Variants in NTM observed in about 807,000 individuals in gnomAD.
NTM encodes the protein neurotrimin.
NTM carries 13 observed loss-of-function variants against 42.1 expected under a neutral mutation model. The observed-to-expected ratio is 0.31, with a 90% confidence interval of 0.20 to 0.49. NTM has a LOEUF of 0.49. Ranked by LOEUF, NTM falls within the 20% of genes least tolerant of loss-of-function variation. The pLI is 0.99. For synonymous variants in NTM, 187 were observed against 179.2 expected, an observed-to-expected ratio of 1.04 and a Z score of -0.35; for missense variants, 373 against 452.8, an observed-to-expected ratio of 0.82 and a Z score of 1.60.
Position 131,692,247 on chromosome 11 carries a change from C to T in NTM, c.83-219317C>T, listed in dbSNP as rs115646581. On this transcript the variant is annotated intron_variant, in intron 1 of 8. Coordinates refer to ENST00000683400, the MANE Select transcript of NTM (RefSeq NM_001352005.2). ...CATGCAGACCTCTGGGTGATGCTGG[C>T]ACAGGGCTAGTCCATCTCCCATGCA... Among the ~76,000 whole-genome samples the T allele has an allele frequency of 3.7e-3, 565 of 152,358 alleles. 4 individuals carry two copies. Among genetic ancestry groups the T allele is most frequent in the African/African-American group, 0.013 (545 of 41,588 alleles).
intron 1 of NTM, among the ~76,000 whole-genome samples, chr11:131,583,144 A>G (rs2058564250): frequency 6.6e-6 from 1 of 152,140 alleles, no homozygotes; most frequent in Non-Finnish European, 1.5e-5. Context: ...AGTCCTCAGT[A>G]CCAACAGAGC....
rs540119708 is a variant in NTM, at chr11:132,128,862, C to T, written c.168-17420C>T. On this transcript the variant is annotated intron_variant, in intron 2 of 8. Transcript: ENST00000683400. ...CTGAGGCAGGAGAATGGCATGAATC[C>T]GGGAGGCAGAGTTTGCAGTGAGCTG... 2.7e-5 allele frequency among the ~76,000 whole-genome samples: 4 copies of T among 145,680 alleles called. No individual in the cohort carries two copies. The East Asian group carries it at 8.5e-4, about 31-fold the overall frequency.
chr11:131,439,399 G>T (rs1225968859), intron 1 of NTM, among the ~76,000 whole-genome samples: 1 of 152,210 alleles, frequency 6.6e-6, no homozygotes, highest in Non-Finnish European at 1.5e-5. Context: ...GTTCAGCTAT[G>T]CCCTACCCAC....
chr11:132,006,023 ATTATC>A (rs1410185885), intron 2 of NTM, among the ~76,000 whole-genome samples: 1 of 152,176 alleles, frequency 6.6e-6, no homozygotes, highest in Non-Finnish European at 1.5e-5. Context: ...TCTCTGCATT[ATTATC>A]TTGTCAGAAA....
Position 131,403,591 on chromosome 11 carries a change from AT to A in NTM, c.82+32705del, listed in dbSNP as rs1241377273. 7.2e-5 allele frequency among the ~76,000 whole-genome samples: 11 copies of A among 152,296 alleles called. No individual in the cohort carries two copies. In the East Asian group the frequency reaches 2.1e-3, roughly 29 times the overall value. ...TCATTTTAAAATCTCAGAGTAACAA[AT>A]TGCAAATGGGTGTTTACTACTGCCC... On this transcript the variant is annotated intron_variant, in intron 1 of 8. Coordinates refer to ENST00000683400, the MANE Select transcript of NTM (RefSeq NM_001352005.2).
intron 1 of NTM, among the ~76,000 whole-genome samples, chr11:131,404,380 G>A (rs1358050638): frequency 2.6e-5 from 4 of 152,048 alleles, no homozygotes; most frequent in East Asian, 1.9e-4. Context: ...CTGGCATCGC[G>A]CCGTCCTGGC....
intron 1 of NTM, among the ~76,000 whole-genome samples, chr11:131,859,088 ATCCATCCG>A (rs1206375520): frequency 5.3e-5 from 8 of 152,044 alleles, no homozygotes; most frequent in Non-Finnish European, 1.0e-4. Flanking sequence ...CCATCCATCC[ATCCATCCG>A]TCCATCCATG....
chr11:131,794,476 C>T (rs4937655), intron 1 of NTM: 767,707 of 981,338 alleles, frequency 0.78, 301,943 homozygotes, highest in African/African-American at 0.92. Context: ...TCCCCACCCG[C>T]CGTTTACTAC....
At chr11:131,734,137 A>G (rs1010001011) in intron 1 of NTM, among the ~76,000 whole-genome samples, 1 of 152,160 alleles carries the variant, frequency 6.6e-6, no homozygotes, top group Non-Finnish European at 1.5e-5. Context: ...ACAAGAGAAG[A>G]CAGGGGACAA....
At chr11:132,088,605 C>A (rs1317843754) in intron 2 of NTM, among the ~76,000 whole-genome samples, 1 of 152,214 alleles carries the variant, frequency 6.6e-6, no homozygotes, top group Non-Finnish European at 1.5e-5. Flanking sequence ...TCTTCCCCAG[C>A]ATAAGGCACA....
At chr11:132,189,344 C>G (rs12222018) in intron 3 of NTM, among the ~76,000 whole-genome samples, 8,143 of 152,224 alleles carry the variant, frequency 0.053, 395 homozygotes, top group East Asian at 0.12. Context: ...CTTAAAGATG[C>G]TCAGCTCAGG....
chr11:131,694,922 G>A (rs1223853805), intron 1 of NTM, among the ~76,000 whole-genome samples: 2 of 152,156 alleles, frequency 1.3e-5, no homozygotes, highest in Non-Finnish European at 2.9e-5. Flanking sequence ...CAGCGCCCTC[G>A]CAGCCGGAAT....
chr11:131,757,455 G>A (rs1197934847), intron 1 of NTM, among the ~76,000 whole-genome samples: 2 of 152,132 alleles, frequency 1.3e-5, no homozygotes, highest in Non-Finnish European at 2.9e-5. Flanking sequence ...ACCCTAAATA[G>A]GACTGATATG....
chr11:131,862,287 A>G (rs184562812), intron 1 of NTM, among the ~76,000 whole-genome samples: 140 of 152,294 alleles, frequency 9.2e-4, no homozygotes, highest in African/African-American at 3.0e-3. Context: ...TTTGAGCCCG[A>G]CTTAAAGAAG....
At chr11:131,887,470 G>T (rs1020999672) in intron 1 of NTM, among the ~76,000 whole-genome samples, 1 of 152,238 alleles carries the variant, frequency 6.6e-6, no homozygotes, top group Non-Finnish European at 1.5e-5. Context: ...TTTTCACTGT[G>T]TCTTACCAAA....
chr11:131,483,206 C>T (rs1953798415), intron 1 of NTM, among the ~76,000 whole-genome samples: 1 of 152,170 alleles, frequency 6.6e-6, no homozygotes, highest in African/African-American at 2.4e-5. Context: ...GGCTTTGCCT[C>T]CTCCTTCACC....
chr11:131,658,175 A>G (rs1565384621), intron 1 of NTM, among the ~76,000 whole-genome samples: 1 of 152,268 alleles, frequency 6.6e-6, no homozygotes, highest in East Asian at 1.9e-4. Flanking sequence ...CATTTCTTCC[A>G]TTCTGTCCAC....
At chr11:131,584,069 C>A (rs562285128) in intron 1 of NTM, among the ~76,000 whole-genome samples, 19 of 152,308 alleles carry the variant, frequency 1.2e-4, no homozygotes, top group African/African-American at 4.6e-4. Flanking sequence ...GACGTGCTGG[C>A]ATCTTCCTGG....
At chr11:131,731,826 T>C (rs1242147735) in intron 1 of NTM, among the ~76,000 whole-genome samples, 1 of 152,172 alleles carries the variant, frequency 6.6e-6, no homozygotes, top group African/African-American at 2.4e-5. Context: ...ATCTCCCTTA[T>C]GCAGAAAAGA....
Sources: gnomAD v4.1 joint callset for allele counts (sites outside exome capture counted in the v4.1 genomes callset) on GRCh38, gnomAD v4.1.1 for gene constraint, MANE v1.5 for transcripts, NCBI Gene and HGNC (gene_info 2026-07-23, HGNC 2026-07-21) for gene names.